The following GULP1 variants were observed in gnomAD, a reference collection of about 807,000 sequenced individuals.
GULP1 encodes GULP PTB domain containing engulfment adaptor 1, also known as PTB domain-containing engulfment adapter protein 1.
In GULP1, 19 loss-of-function variants were observed where a neutral mutation model predicts 40.9. The ratio of observed to expected loss-of-function variants is 0.46; its 90% CI spans 0.32 to 0.68. GULP1 has a LOEUF of 0.68. Among genes scored for constraint, GULP1 ranks in the 30% least tolerant of loss-of-function variants. GULP1 has a pLI of 0.03. For synonymous variants in GULP1, 119 were observed against 117.6 expected, an observed-to-expected ratio of 1.01 and a Z score of -0.08; for missense variants, 312 against 362.2, an observed-to-expected ratio of 0.86 and a Z score of 1.12.
intron 1 of GULP1, among the ~76,000 whole-genome samples, chr2:188,381,349 T>G (rs1039018454): frequency 2.0e-5 from 3 of 152,138 alleles, no homozygotes; most frequent in Non-Finnish European, 4.4e-5. Flanking sequence ...AAGTATTTCC[T>G]GCAGTATGAC....
chr2:188,586,953 T>G (rs1576313781), intron 10 of GULP1, among the ~76,000 whole-genome samples: 1 of 152,174 alleles, frequency 6.6e-6, no homozygotes, highest in East Asian at 1.9e-4. Context: ...GTTACCTATG[T>G]ATTTCTTACA....
chr2:188,575,145 A>G (rs557483379), intron 9 of GULP1, among the ~76,000 whole-genome samples: 15 of 152,276 alleles, frequency 9.9e-5, no homozygotes, highest in African/African-American at 1.9e-4. Flanking sequence ...TGTACATTTT[A>G]GTTTTGGTTT....
At chr2:188,403,032 A>G (rs926899783) in intron 2 of GULP1, among the ~76,000 whole-genome samples, 4 of 152,156 alleles carry the variant, frequency 2.6e-5, no homozygotes, top group African/African-American at 4.8e-5. Context: ...TGCTTGTAGA[A>G]GGCATACATT....
chr2:188,566,819 AAG>A (rs1697817933), intron 7 of GULP1, among the ~76,000 whole-genome samples: 1 of 150,604 alleles, frequency 6.6e-6, no homozygotes, highest in African/African-American at 2.4e-5. Flanking sequence ...AAAAAAAAAA[AAG>A]GGGAAGGATA....
chr2:188,338,194 C>G (rs916344663), intron 1 of GULP1, among the ~76,000 whole-genome samples: 8 of 151,918 alleles, frequency 5.3e-5, no homozygotes, highest in African/African-American at 1.7e-4. Context: ...AACAATTCCT[C>G]TCTGAGATCA....
At chr2:188,588,329 G>GA (rs1702831327) in intron 11 of GULP1, 1 of 192,184 alleles carries the variant, frequency 5.2e-6, no homozygotes, top group African/African-American at 2.4e-5. Context: ...GTAGATGAAG[G>GA]AAAATCTTTG....
intron 4 of GULP1, among the ~76,000 whole-genome samples, chr2:188,496,108 G>T (rs1445903212): frequency 6.6e-6 from 1 of 151,952 alleles, no homozygotes; most frequent in Non-Finnish European, 1.5e-5. Flanking sequence ...ATGGCTAATT[G>T]CTTCCTAGGA....
At chr2:188,346,687 T>C (rs2043712802) in intron 1 of GULP1, among the ~76,000 whole-genome samples, 1 of 151,880 alleles carries the variant, frequency 6.6e-6, no homozygotes, top group Non-Finnish European at 1.5e-5. Flanking sequence ...TGGTGAGTAT[T>C]TGATAAATCA....
At chr2:188,449,703 C>T (rs1449965057) in intron 2 of GULP1, among the ~76,000 whole-genome samples, 1 of 152,100 alleles carries the variant, frequency 6.6e-6, no homozygotes, top group Non-Finnish European at 1.5e-5. Flanking sequence ...TAAAGAATTC[C>T]CATTGCTACT....
At chr2:188,546,694 A>G (rs961289572) in intron 7 of GULP1, among the ~76,000 whole-genome samples, 1 of 152,000 alleles carries the variant, frequency 6.6e-6, no homozygotes, top group Non-Finnish European at 1.5e-5. Context: ...AAGTAAGCAG[A>G]CGGAAGATAA....
intron 1 of GULP1, among the ~76,000 whole-genome samples, chr2:188,363,504 G>T (rs2046355331): frequency 6.6e-6 from 1 of 152,168 alleles, no homozygotes; most frequent in Admixed American, 6.5e-5. Flanking sequence ...GCAGAATCAA[G>T]ATTTGCAGTT....
chr2:188,388,951 T>C (rs1331111316), intron 2 of GULP1, among the ~76,000 whole-genome samples: 1 of 152,232 alleles, frequency 6.6e-6, no homozygotes, highest in East Asian at 1.9e-4. Flanking sequence ...GAGGCAATGT[T>C]TCTAAATTTT....
intron 1 of GULP1, among the ~76,000 whole-genome samples, chr2:188,302,901 T>G (rs1404174386): frequency 1.3e-5 from 2 of 152,216 alleles, no homozygotes; most frequent in African/African-American, 4.8e-5. Context: ...TTCCACTGTC[T>G]TACATCCTGC....
intron 2 of GULP1, among the ~76,000 whole-genome samples, chr2:188,468,465 G>T (rs965913830): frequency 3.3e-5 from 5 of 152,014 alleles, no homozygotes; most frequent in African/African-American, 1.2e-4. Flanking sequence ...AACTTGATTT[G>T]CTCATTTGAT....
At chr2:188,429,463 G>A (rs865872006) in intron 2 of GULP1, among the ~76,000 whole-genome samples, 4 of 152,006 alleles carry the variant, frequency 2.6e-5, no homozygotes, top group South Asian at 4.2e-4. Context: ...TCTTGTTGGT[G>A]CACTTCAGTC....
intron 3 of GULP1, 42 bp downstream of exon 3, chr2:188,477,772 G>A: frequency 1.4e-6 from 2 of 1,481,146 alleles, no homozygotes; most frequent in East Asian, 2.3e-5. Context: ...TCAAGCCAAT[G>A]TTGCTATGAA....
intron 2 of GULP1, among the ~76,000 whole-genome samples, chr2:188,468,093 A>G (rs1427697520): frequency 6.6e-6 from 1 of 152,176 alleles, no homozygotes; most frequent in Non-Finnish European, 1.5e-5. Context: ...ACTGAATCAA[A>G]TTGTTCACTA....
chr2:188,546,848 T>C (rs1055304906), intron 7 of GULP1, among the ~76,000 whole-genome samples: 2 of 151,954 alleles, frequency 1.3e-5, no homozygotes, highest in Admixed American at 1.3e-4. Flanking sequence ...GTTACCAATA[T>C]TTAGAATGAA....
chr2:188,535,021 T>A (rs1428882477), intron 6 of GULP1, among the ~76,000 whole-genome samples: 7 of 151,108 alleles, frequency 4.6e-5, no homozygotes, highest in Non-Finnish European at 1.0e-4. Context: ...AATAAATTGT[T>A]ATTAATAATT....
Sources: gnomAD v4.1 joint callset for allele counts (sites outside exome capture counted in the v4.1 genomes callset) on GRCh38, gnomAD v4.1.1 for gene constraint, MANE v1.5 for transcripts, NCBI Gene and HGNC (gene_info 2026-07-23, HGNC 2026-07-21) for gene names.